Variants in CCDC149 observed in about 807,000 individuals in gnomAD.
The protein encoded by CCDC149 is coiled-coil domain-containing protein 149.
A neutral mutation model predicts 59.9 loss-of-function variants in CCDC149; 45 were observed. The observed-to-expected ratio is 0.75, with a 90% CI of 0.59 to 0.96. The LOEUF (loss-of-function observed/expected upper bound fraction) is 0.96, where lower values mean the gene tolerates loss of function less well. Among genes scored for constraint, CCDC149 ranks in the 40% least tolerant of loss-of-function variants. The probability of loss-of-function intolerance (pLI) is 0.00; values close to 1 mark genes in which losing one functional copy is unlikely to be tolerated. For missense variants in CCDC149, 584 were observed against 664.7 expected (o/e 0.88, Z 1.33); for synonymous variants, 245 against 260.6 (o/e 0.94, Z 0.58).
chr4:24,844,771 CAAAATAAAAT>C lies in CCDC149; in HGVS notation c.373-6509_373-6500del, dbSNP rs567966193. Reference sequence around the variant, plus strand: ...TGGATGACAGGGCGAGACTCCATCTCAAAATAAAATAAAATAAAATAAAATAAAAATAAAA... The same window carrying C: ...TGGATGACAGGGCGAGACTCCATCTCAAAATAAAATAAAATAAAAATAAAA... On this transcript the variant is annotated intron_variant, in intron 4 of 12. Transcript: ENST00000635206. 5.2e-4 allele frequency among the ~76,000 whole-genome samples: 79 copies of C among 151,822 alleles called. 1 individual carries two copies. The highest frequency in any genetic ancestry group is 3.8e-3 in the Admixed American group (58 of 15,262).
chr4:24,962,088 T>C (rs1025672344), intron 1 of CCDC149, among the ~76,000 whole-genome samples: 1 of 151,324 alleles, frequency 6.6e-6, no homozygotes, highest in Non-Finnish European at 1.5e-5. Context: ...ATCCAGAATC[T>C]ACAATGAACT....
At chr4:24,893,814 C>T (rs543660617) in intron 1 of CCDC149, among the ~76,000 whole-genome samples, 1 of 151,730 alleles carries the variant, frequency 6.6e-6, no homozygotes, top group South Asian at 2.1e-4. Flanking sequence ...GACAATTGGC[C>T]AGGCTGGTCT....
In CCDC149 at chr4:24,901,926, T is replaced by C. The variant is rs114713102; in HGVS notation, c.63+10891A>G. 6.4e-3 allele frequency among the ~76,000 whole-genome samples: 969 copies of C among 152,306 alleles called. 18 individuals carry two copies. The highest frequency in any genetic ancestry group is 0.022 in the African/African-American group (927 of 41,570). ...ATCCCCTTTTCTCTATTCCCATCAA[T>C]GCTGTAACCCCTTAACACCTCATTC... On this transcript the variant is annotated intron_variant, in intron 1 of 12. Coordinates refer to ENST00000635206, the MANE Select transcript of CCDC149 (RefSeq NM_001330643.2).
rs193095706 is a variant in CCDC149, at chr4:24,921,080, C to T, written c.-64-25962G>A. Reference sequence around the variant, plus strand: ...ATAAACTCCTTGAGAGCAGGGATTGCGCCTACAGTGCCTGGCACATAGTAG... The same window carrying T: ...ATAAACTCCTTGAGAGCAGGGATTGTGCCTACAGTGCCTGGCACATAGTAG... On this transcript the variant is annotated intron_variant, in intron 1 of 12. Coordinates refer to the CCDC149 transcript ENST00000389609. 2.4e-3 allele frequency among the ~76,000 whole-genome samples: 369 copies of T among 152,274 alleles called. 2 individuals carry two copies. Among genetic ancestry groups the T allele is most frequent in the African/African-American group, 8.3e-3 (343 of 41,550 alleles).
At chr4:24,840,461 G>T (rs189093859) in intron 4 of CCDC149, among the ~76,000 whole-genome samples, 4 of 152,314 alleles carry the variant, frequency 2.6e-5, no homozygotes, top group African/African-American at 9.6e-5. Flanking sequence ...CATGGTCATT[G>T]TCAGACATGC....
chr4:24,913,691 C>T (rs1217261116), upstream of CCDC149, among the ~76,000 whole-genome samples: 5 of 152,162 alleles, frequency 3.3e-5, no homozygotes, highest in African/African-American at 1.2e-4. Flanking sequence ...TGCCTGTAAT[C>T]CCAGCACCTT....
intron 1 of CCDC149, among the ~76,000 whole-genome samples, chr4:24,952,626 A>AATATATATATATAT (rs199615303): frequency 2.8e-4 from 8 of 28,454 alleles, no homozygotes; most frequent in Admixed American, 1.5e-3. Flanking sequence ...AAAAAAAAAA[A>AATATATATATATAT]ATATATATAT....
Position 24,890,369 on chromosome 4 carries a change from A to G in CCDC149, c.64-13672T>C, listed in dbSNP as rs141506172. On this transcript the variant is annotated intron_variant, in intron 1 of 12. Transcript: ENST00000635206. ...CTCTAAGAGTTTTTTGGAAAAAAAA[A>G]TTATGAAGCTTGTAAGAGGCAAAGG... 5.2e-3 allele frequency among the ~76,000 whole-genome samples: 788 copies of G among 152,312 alleles called. 4 individuals carry two copies. Among genetic ancestry groups the G allele is most frequent in the African/African-American group, 0.018 (740 of 41,558 alleles).
At position 24,808,419 on chromosome 4, in the gene CCDC149, G is replaced by T; in HGVS notation, c.1593C>A (p.Gly531=). ...TTTTCACGGTGCTCCTCATGCCTCC[G>T]CCCTCTGGGATCCCTTTGCCGTCTT... The change falls in exon 13 of 13, where the codon GGC becomes GGA. Residue 531 remains glycine (G), a synonymous_variant. Coordinates refer to ENST00000635206, the MANE Select transcript of CCDC149 (RefSeq NM_001330643.2). 6.9e-7 allele frequency: 1 copy of T among 1,457,756 alleles called. No individual in the cohort carries two copies. Among genetic ancestry groups the T allele is most frequent in the East Asian group, 2.5e-5 (1 of 40,128 alleles). The allele number at this position is 1,457,756 out of a possible 1,614,324, so 90.3% of individuals were successfully genotyped here.
intron 3 of CCDC149, among the ~76,000 whole-genome samples, chr4:24,856,947 G>A (rs1054197303): frequency 1.3e-5 from 2 of 152,218 alleles, no homozygotes; most frequent in South Asian, 4.1e-4. Flanking sequence ...CTCGGTCTGG[G>A]AGCTGGCTGC....
At chr4:24,844,238 A>T (rs1378487733) in intron 4 of CCDC149, among the ~76,000 whole-genome samples, 1 of 152,062 alleles carries the variant, frequency 6.6e-6, no homozygotes, top group Non-Finnish European at 1.5e-5. Flanking sequence ...TATGCACTGA[A>T]ACACCTTGTC....
At chr4:24,824,978 C>T (rs566233279) in intron 9 of CCDC149, among the ~76,000 whole-genome samples, 7 of 152,266 alleles carry the variant, frequency 4.6e-5, no homozygotes, top group South Asian at 2.1e-4. Flanking sequence ...ACTGAAAGAA[C>T]GTGGCAGGGA....
chr4:24,821,882 G>GA (rs998613810), intron 10 of CCDC149, among the ~76,000 whole-genome samples: 19 of 151,898 alleles, frequency 1.3e-4, no homozygotes, highest in African/African-American at 2.9e-4. Flanking sequence ...TGTACAACTG[G>GA]AAAAAAAATC....
Position 24,874,244 on chromosome 4 carries a change from G to GTTTTTTTTTTTTTTTTTTTTTTTT in CCDC149, c.226-526_226-525insAAAAAAAAAAAAAAAAAAAAAAAA, listed in dbSNP as rs5856868. On this transcript the variant is annotated intron_variant, in intron 2 of 12. Transcript: ENST00000635206. Reference sequence around the variant, plus strand: ...GAGAACTTCTAGTCCTATTAGATTTGTTTTTTTTTTTTTTTGTTTTGTTTT... The same window carrying GTTTTTTTTTTTTTTTTTTTTTTTT: ...GAGAACTTCTAGTCCTATTAGATTTGTTTTTTTTTTTTTTTTTTTTTTTTTTTTTTTTTTTTTTTGTTTTGTTTT... 1.8e-4 allele frequency among the ~76,000 whole-genome samples: 16 copies of GTTTTTTTTTTTTTTTTTTTTTTTT among 87,486 alleles called. 2 individuals are homozygous for GTTTTTTTTTTTTTTTTTTTTTTTT. Among genetic ancestry groups the GTTTTTTTTTTTTTTTTTTTTTTTT allele is most frequent in the African/African-American group, 8.2e-4 (14 of 17,172 alleles). 57.4% of individuals were successfully genotyped at this position (87,486 alleles called of 152,430 possible).
chr4:24,935,847 A>G (rs770457319), intron 1 of CCDC149, among the ~76,000 whole-genome samples: 1 of 152,214 alleles, frequency 6.6e-6, no homozygotes, highest in African/African-American at 2.4e-5. Context: ...CGAGTCATCT[A>G]TATATAGCTG....
intron 1 of CCDC149, among the ~76,000 whole-genome samples, chr4:24,883,435 T>C (rs1287242543): frequency 1.6e-5 from 2 of 123,858 alleles, no homozygotes; most frequent in Non-Finnish European, 3.2e-5. Flanking sequence ...AACAAATACT[T>C]GGTGAAAGGA....
chr4:24,883,937 T>C (rs1454772917), intron 1 of CCDC149, among the ~76,000 whole-genome samples: 5 of 152,200 alleles, frequency 3.3e-5, no homozygotes, highest in East Asian at 3.8e-4. Flanking sequence ...AGGTTCTTTT[T>C]ACTATTCTAC....
chr4:24,831,774 G>C, intron 8 of CCDC149, 124 bp from the exon 9 acceptor site: 1 of 794,246 alleles, frequency 1.3e-6, no homozygotes, highest in South Asian at 2.1e-5. Flanking sequence ...ATGTTGTATT[G>C]AGAGTCCACC....
chr4:24,916,065 G>C (rs1287686667), upstream of CCDC149, among the ~76,000 whole-genome samples: 1 of 152,232 alleles, frequency 6.6e-6, no homozygotes, highest in Middle Eastern at 3.4e-3. Flanking sequence ...ATTTGCACAG[G>C]ATCATTTTAA....
Sources: allele counts gnomAD v4.1 joint callset (sites outside exome capture counted in the v4.1 genomes callset), GRCh38; gene constraint gnomAD v4.1.1; transcripts MANE v1.5; gene names NCBI Gene and HGNC (gene_info 2026-07-23, HGNC 2026-07-21).